Variants in VSIG10 observed in about 807,000 individuals in gnomAD.
The protein encoded by VSIG10 is V-set and immunoglobulin domain containing 10.
Under a neutral mutation model 58.7 loss-of-function variants are expected in VSIG10, and 48 were observed. The observed-to-expected ratio is 0.82, with a 90% confidence interval of 0.65 to 1.04. VSIG10 has a LOEUF of 1.04. VSIG10 is among the 50% of genes least tolerant of loss of function. VSIG10 has a pLI of 0.00. For missense variants in VSIG10, 628 were observed against 670.0 expected (o/e 0.94, Z 0.69); for synonymous variants, 260 against 267.1 (o/e 0.97, Z 0.26).
rs2032674047 is a variant in VSIG10 at position 118,075,178 on chromosome 12, ATG to A, written c.926-1188_926-1187del. On this transcript the variant is annotated intron_variant, in intron 4 of 8. Transcript: ENST00000359236. Reference sequence around the variant, plus strand: ...TATATATATGTATATATATGTATATATGTGTGTATATATATATGTGTGTGTGT... The same window carrying A: ...TATATATATGTATATATATGTATATATGTGTATATATATATGTGTGTGTGT... Among the ~76,000 whole-genome samples the A allele has an allele frequency of 2.8e-5, 3 of 108,406 alleles. No homozygotes were observed. In the South Asian group the frequency reaches 9.3e-4, roughly 34 times the overall value. 71.1% of individuals were successfully genotyped at this position (108,406 alleles called of 152,430 possible).
At chr12:118,087,601 C>T (rs1354158678) in intron 2 of VSIG10, among the ~76,000 whole-genome samples, 1 of 151,912 alleles carries the variant, frequency 6.6e-6, no homozygotes, top group Non-Finnish European at 1.5e-5. Context: ...CTTTGGGAGG[C>T]CAAGGAGGGA....
At chr12:118,094,800 G>A (rs140060716) in intron 2 of VSIG10, among the ~76,000 whole-genome samples, 243 of 150,202 alleles carry the variant, frequency 1.6e-3, no homozygotes, top group African/African-American at 5.7e-3. Flanking sequence ...GCAGTAGTGC[G>A]ATCTTGGCTC....
At chr12:118,085,704 A>G (rs1327110776) in intron 2 of VSIG10, among the ~76,000 whole-genome samples, 1 of 151,254 alleles carries the variant, frequency 6.6e-6, no homozygotes, top group Non-Finnish European at 1.5e-5. Flanking sequence ...TCTACTAAAA[A>G]TACAAAAATT....
intron 1 of VSIG10, among the ~76,000 whole-genome samples, chr12:118,097,899 G>A (rs1244586486): frequency 6.6e-6 from 1 of 152,090 alleles, no homozygotes; most frequent in African/African-American, 2.4e-5. Context: ...CTCCAGCCTG[G>A]GTGACAAGAG....
chr12:118,096,282 A>G (rs969090182), intron 1 of VSIG10, among the ~76,000 whole-genome samples: 1 of 151,844 alleles, frequency 6.6e-6, no homozygotes, highest in African/African-American at 2.4e-5. Context: ...CTGTAATAAA[A>G]ATACAAAAAA....
In VSIG10 at chr12:118,075,016, ATC is replaced by A. The variant is rs532342604; in HGVS notation, c.926-1026_926-1025del. On this transcript the variant is annotated intron_variant, in intron 4 of 8. Transcript: ENST00000359236. ...TATTTTTTATTAGTTACTATTGTTA[ATC>A]TCTTATTGTGCCTAATGTATAAATT... Among the ~76,000 whole-genome samples, 39 of 151,720 alleles carry A rather than the reference ATC, an allele frequency of 2.6e-4. No homozygotes were observed. The South Asian group carries it at 4.4e-3, about 17-fold the overall frequency.
At chr12:118,098,288 TCC>T (rs2033525104) in intron 1 of VSIG10, among the ~76,000 whole-genome samples, 2 of 101,760 alleles carry the variant, frequency 2.0e-5, no homozygotes, top group African/African-American at 7.6e-5. Flanking sequence ...TCTCCGCCTC[TCC>T]CTCTCTCTCC....
intron 2 of VSIG10, among the ~76,000 whole-genome samples, chr12:118,085,769 G>A (rs1343122717): frequency 6.6e-6 from 1 of 151,656 alleles, no homozygotes; most frequent in Non-Finnish European, 1.5e-5. Context: ...GGCTGAGGCA[G>A]GAGAATCATT....
Position 118,064,345 on chromosome 12 carries a change from T to C in VSIG10, c.*2294A>G, listed in dbSNP as rs2032175698. 1 of 152,148 alleles carries C rather than the reference T, an allele frequency of 6.6e-6. No individual in the cohort carries two copies. The highest frequency in any genetic ancestry group is 1.5e-5 in the Non-Finnish European group (1 of 68,042). 9.4% of individuals were successfully genotyped at this position (152,148 alleles called of 1,614,324 possible). A position where few individuals can be genotyped will look rare whatever the true frequency, so the allele number is the denominator to read the frequency against. ...TTGGTAGTGGAAAAACCCTCAAATA[T>C]TTCCTATCAACAGATGTGTGTGCTA... is the stretch of plus-strand genomic sequence containing the variant. On this transcript the variant is annotated 3_prime_UTR_variant, in exon 9 of 9. Coordinates refer to ENST00000359236, the MANE Select transcript of VSIG10 (RefSeq NM_019086.6).
chr12:118,066,630 T>C lies in VSIG10; in HGVS notation c.*9A>G, dbSNP rs747114121. 1.9e-6 allele frequency: 3 copies of C among 1,613,598 alleles called. No individual in the cohort carries two copies. The highest frequency in any genetic ancestry group is 2.5e-6 in the Non-Finnish European group (3 of 1,179,796). ...TTCAGAGCAAGACAACCATGGACCA[T>C]CCTCTTCTTCAGACTGGCCTGTCTT... On this transcript the variant is annotated 3_prime_UTR_variant, in exon 9 of 9. Transcript: ENST00000359236.
Position 118,079,916 on chromosome 12 carries a change from C to T in VSIG10, c.665-310G>A, listed in dbSNP as rs576004633. Among the ~76,000 whole-genome samples, 3 of 152,338 alleles carry T rather than the reference C, an allele frequency of 2.0e-5. No homozygotes were observed. The East Asian group carries it at 5.8e-4, about 29-fold the overall frequency. On this transcript the variant is annotated intron_variant, in intron 3 of 8. Transcript: ENST00000359236. ...TGGTGCAATCTCGGCTCACTGTAAC[C>T]TCGACCTCCCAGGTTCAAGCAATTC...
Position 118,065,354 on chromosome 12 carries a change from G to C in VSIG10, c.*1285C>G, listed in dbSNP as rs182459103. 1.4e-4 allele frequency: 21 copies of C among 152,350 alleles called. No homozygotes were observed. The highest frequency in any genetic ancestry group is 1.3e-3 in the Admixed American group (20 of 15,304). 9.4% of individuals were successfully genotyped at this position (152,350 alleles called of 1,614,324 possible). A position where few individuals can be genotyped will look rare whatever the true frequency, so the allele number is the denominator to read the frequency against. On this transcript the variant is annotated 3_prime_UTR_variant, in exon 9 of 9. Coordinates refer to ENST00000359236, the MANE Select transcript of VSIG10 (RefSeq NM_019086.6). ...CTGCAAGCTAACAGTGTATCACCTA[G>C]GAGGCTTGTATATAAATATGAAGCT...
Position 118,068,493 on chromosome 12 carries a change from G to A in VSIG10, c.1451C>T (p.Ala484Val), listed in dbSNP as rs774846618. ...TTTTGGCAACTCCTCTCTCTCACGTGCTCCCTCCTGTTCCCCTACTGCAGC... is the reference window on the plus strand; with the variant it reads ...TTTTGGCAACTCCTCTCTCTCACGTACTCCCTCCTGTTCCCCTACTGCAGC... The part of the protein sequence containing the change: ...EDAAVGEQEG[A>V]REREELPKEI... Residue 484 changes from alanine to valine, a missense_variant, in exon 8 of 9, where the codon GCA (alanine) becomes GTA (valine). Transcript: ENST00000359236. 7.4e-6 allele frequency: 12 copies of A among 1,612,862 alleles called. No individual in the cohort carries two copies. Among genetic ancestry groups the A allele is most frequent in the Non-Finnish European group, 1.0e-5 (12 of 1,179,742 alleles).
At chr12:118,090,088 C>T (rs985462870) in intron 2 of VSIG10, among the ~76,000 whole-genome samples, 6 of 151,896 alleles carry the variant, frequency 4.0e-5, no homozygotes, top group Admixed American at 1.3e-4. Context: ...CTGAGGCGGG[C>T]GGATCACCTG....
chr12:118,094,399 T>C (rs2033384603), intron 2 of VSIG10, among the ~76,000 whole-genome samples: 1 of 152,198 alleles, frequency 6.6e-6, no homozygotes, highest in Non-Finnish European at 1.5e-5. Flanking sequence ...TTTCTTTTTT[T>C]TTGAGACGGA....
chr12:118,081,176 G>C (rs2032935491), intron 3 of VSIG10, among the ~76,000 whole-genome samples: 1 of 151,970 alleles, frequency 6.6e-6, no homozygotes, highest in Non-Finnish European at 1.5e-5. Context: ...AACCTGGAAG[G>C]TGGAGGCTGC....
chr12:118,093,528 T>C (rs1383527141), intron 2 of VSIG10, among the ~76,000 whole-genome samples: 1 of 152,008 alleles, frequency 6.6e-6, no homozygotes, highest in African/African-American at 2.4e-5. Flanking sequence ...TCCATATGTG[T>C]ATATCAGCAG....
chr12:118,096,387 T>C (rs2033456581), intron 1 of VSIG10, among the ~76,000 whole-genome samples: 1 of 151,724 alleles, frequency 6.6e-6, no homozygotes, highest in Non-Finnish European at 1.5e-5. Flanking sequence ...AAGACCAGCC[T>C]AACCAACATG....
intron 5 of VSIG10, 119 bp downstream of exon 5, chr12:118,073,580 T>A: frequency 8.5e-7 from 1 of 1,173,840 alleles, no homozygotes; most frequent in Non-Finnish European, 1.2e-6. Flanking sequence ...CAAGCAGATA[T>A]GCCTTCTCCC....
Sources: allele counts gnomAD v4.1 joint callset (sites outside exome capture counted in the v4.1 genomes callset), GRCh38; gene constraint gnomAD v4.1.1; transcripts MANE v1.5; gene names NCBI Gene and HGNC (gene_info 2026-07-23, HGNC 2026-07-21).